Variants in RERG observed in about 807,000 individuals in gnomAD.
The protein encoded by RERG is ras-related and estrogen-regulated growth inhibitor.
In RERG, 25 loss-of-function variants were observed where a neutral mutation model predicts 23.2. That is an observed-to-expected ratio of 1.08 (90% CI 0.79 to 1.50). The LOEUF (loss-of-function observed/expected upper bound fraction) is 1.50. RERG is among the 40% of genes most tolerant of loss of function. The pLI is 0.00. For synonymous variants in RERG, 81 were observed against 89.1 expected, an observed-to-expected ratio of 0.91 and a Z score of 0.51; for missense variants, 253 against 250.1, an observed-to-expected ratio of 1.01 and a Z score of -0.08.
At position 15,206,578 on chromosome 12, in the gene RERG, C is replaced by T. The variant is rs147412071; in HGVS notation, c.61+10851G>A. On this transcript the variant is annotated intron_variant, in intron 2 of 4. Coordinates refer to ENST00000256953, the MANE Select transcript of RERG (RefSeq NM_032918.3). The stretch of plus-strand genomic sequence containing the variant: ...GTTAGAAATACAAATTCTCTGGCTT[C>T]GGTGCAGACCTACTGAGTCAGAACC... Among the ~76,000 whole-genome samples the T allele has an allele frequency of 4.7e-3, 716 of 152,186 alleles. 7 individuals carry two copies. The highest frequency in any genetic ancestry group is 0.016 in the African/African-American group (683 of 41,534).
intron 2 of RERG, among the ~76,000 whole-genome samples, chr12:15,186,034 T>G (rs1227873593): frequency 6.6e-6 from 1 of 151,930 alleles, no homozygotes; most frequent in East Asian, 1.9e-4. Flanking sequence ...TAGAAAAATA[T>G]AACATCAAAA....
chr12:15,153,461 A>C (rs7964477), intron 2 of RERG, among the ~76,000 whole-genome samples: 104,677 of 151,916 alleles, frequency 0.69, 36,243 homozygotes, highest in Admixed American at 0.76. Flanking sequence ...AGTCTTTAGA[A>C]ATTTGCTTAA....
intron 3 of RERG, among the ~76,000 whole-genome samples, chr12:15,119,339 A>T (rs1863790392): frequency 1.3e-5 from 2 of 152,156 alleles, no homozygotes; most frequent in African/African-American, 4.8e-5. Context: ...TTAAACTAAG[A>T]CTAATTAAGA....
chr12:15,172,852 G>A (rs994728678), intron 2 of RERG, among the ~76,000 whole-genome samples: 5 of 151,772 alleles, frequency 3.3e-5, no homozygotes, highest in African/African-American at 1.2e-4. Flanking sequence ...TGAGTATGAG[G>A]GTTCTTTATA....
At chr12:15,151,754 A>G (rs1864446807) in intron 2 of RERG, among the ~76,000 whole-genome samples, 1 of 152,234 alleles carries the variant, frequency 6.6e-6, no homozygotes, top group African/African-American at 2.4e-5. Flanking sequence ...CTAAGCAAAG[A>G]GAACTAATAT....
chr12:15,142,207 A>G (rs889080969), intron 2 of RERG, among the ~76,000 whole-genome samples: 2 of 152,238 alleles, frequency 1.3e-5, no homozygotes, highest in East Asian at 1.9e-4. Flanking sequence ...TTTAGCCTTA[A>G]TAATCCAAGA....
intron 2 of RERG, among the ~76,000 whole-genome samples, chr12:15,131,991 C>T (rs866977368): frequency 1.1e-4 from 16 of 152,090 alleles, no homozygotes; most frequent in African/African-American, 3.9e-4. Context: ...GGTGTTTGAG[C>T]TGGAAAAGCA....
chr12:15,208,796 G>T (rs1331653651), intron 2 of RERG, among the ~76,000 whole-genome samples: 1 of 151,348 alleles, frequency 6.6e-6, no homozygotes, highest in Non-Finnish European at 1.5e-5. Flanking sequence ...AATATTAGAA[G>T]GTTTTAAAGC....
At chr12:15,210,323 A>AAT (rs1157857308) in intron 2 of RERG, among the ~76,000 whole-genome samples, 2 of 152,266 alleles carry the variant, frequency 1.3e-5, no homozygotes, top group Non-Finnish European at 2.9e-5. Flanking sequence ...CATTGCAATG[A>AAT]ATAAATTAGC....
intron 2 of RERG, among the ~76,000 whole-genome samples, chr12:15,149,401 C>T (rs1483087938): frequency 6.6e-6 from 1 of 152,062 alleles, no homozygotes. Flanking sequence ...AATGTATCCA[C>T]ATCTACTATG....
intron 3 of RERG, among the ~76,000 whole-genome samples, chr12:15,117,570 AC>A (rs771175183): frequency 1.3e-5 from 2 of 152,136 alleles, no homozygotes; most frequent in African/African-American, 4.8e-5. Flanking sequence ...TGCTTAGAAA[AC>A]TAAGCAGATT....
intron 2 of RERG, among the ~76,000 whole-genome samples, chr12:15,197,768 T>C (rs1280353217): frequency 6.6e-6 from 1 of 152,148 alleles, no homozygotes; most frequent in Non-Finnish European, 1.5e-5. Flanking sequence ...TTCCTGACTA[T>C]ACGGAAGGAA....
intron 2 of RERG, among the ~76,000 whole-genome samples, chr12:15,203,064 T>C (rs1865239014): frequency 6.6e-6 from 1 of 151,764 alleles, no homozygotes. Context: ...TGATGACTAG[T>C]GATGTTGAGC....
intron 3 of RERG, among the ~76,000 whole-genome samples, chr12:15,119,439 G>A (rs1863792073): frequency 6.6e-6 from 1 of 151,816 alleles, no homozygotes; most frequent in African/African-American, 2.4e-5. Flanking sequence ...GAGATATATG[G>A]ATACAGCAAT....
At chr12:15,154,179 A>G (rs1477176751) in intron 2 of RERG, 1 of 152,206 alleles carries the variant, frequency 6.6e-6, no homozygotes, top group African/African-American at 2.4e-5. Context: ...TTGTTGAGGC[A>G]GTGCTAGCAA....
At chr12:15,189,010 G>A (rs1443660800) in intron 2 of RERG, among the ~76,000 whole-genome samples, 1 of 152,114 alleles carries the variant, frequency 6.6e-6, no homozygotes, top group Non-Finnish European at 1.5e-5. Context: ...AGTCCACTAC[G>A]ATGTTGTGTA....
chr12:15,172,160 C>T (rs1182216988), intron 2 of RERG, among the ~76,000 whole-genome samples: 1 of 152,148 alleles, frequency 6.6e-6, no homozygotes, highest in Admixed American at 6.6e-5. Context: ...ATCCCCAGCC[C>T]TAGGTAACTT....
At chr12:15,129,858 A>G (rs956934682) in intron 2 of RERG, among the ~76,000 whole-genome samples, 2 of 152,130 alleles carry the variant, frequency 1.3e-5, no homozygotes, top group African/African-American at 4.8e-5. Flanking sequence ...GGTTCTGGGT[A>G]GGAGAATGGC....
At chr12:15,193,934 T>C (rs897851847) in intron 2 of RERG, among the ~76,000 whole-genome samples, 1 of 152,096 alleles carries the variant, frequency 6.6e-6, no homozygotes, top group African/African-American at 2.4e-5. Context: ...AAGGAGCAAA[T>C]TGGTGAAAAG....
Sources: gnomAD v4.1 joint callset for allele counts (sites outside exome capture counted in the v4.1 genomes callset) on GRCh38, gnomAD v4.1.1 for gene constraint, MANE v1.5 for transcripts, NCBI Gene and HGNC (gene_info 2026-07-23, HGNC 2026-07-21) for gene names.